FCHSD2: variants seen among roughly 807,000 people sequenced by gnomAD.
FCHSD2 encodes the protein F-BAR and double SH3 domains protein 2.
In FCHSD2, 38 loss-of-function variants were observed where a neutral mutation model predicts 108.1. That is an observed-to-expected ratio of 0.35 (90% CI 0.27 to 0.46). The LOEUF (loss-of-function observed/expected upper bound fraction) is 0.46. Among genes scored for constraint, FCHSD2 ranks in the 20% least tolerant of loss-of-function variants. The pLI is 1.00. For missense variants in FCHSD2, 751 were observed against 897.8 expected (o/e 0.84, Z 2.09); for synonymous variants, 279 against 314.7 (o/e 0.89, Z 1.20).
chr11:73,089,764 G>C (rs1001059215), intron 2 of FCHSD2, among the ~76,000 whole-genome samples: 1 of 152,108 alleles, frequency 6.6e-6, no homozygotes, highest in Admixed American at 6.5e-5. Context: ...TAAATTAGTG[G>C]TTGCCAAGGC....
At chr11:72,844,463 G>A (rs1201065956) in intron 14 of FCHSD2, among the ~76,000 whole-genome samples, 1 of 152,188 alleles carries the variant, frequency 6.6e-6, no homozygotes, top group Non-Finnish European at 1.5e-5. Flanking sequence ...CGTACAAGCT[G>A]CTAACCATAA....
At chr11:72,911,754 T>C (rs1490981418) in intron 9 of FCHSD2, among the ~76,000 whole-genome samples, 1 of 152,152 alleles carries the variant, frequency 6.6e-6, no homozygotes, top group Non-Finnish European at 1.5e-5. Context: ...TTCGCTTTTG[T>C]TGCCTAGGCT....
chr11:73,133,273 T>C (rs761392494), intron 2 of FCHSD2, among the ~76,000 whole-genome samples: 1 of 152,194 alleles, frequency 6.6e-6, no homozygotes, highest in Non-Finnish European at 1.5e-5. Context: ...TTTAGGTATA[T>C]ATCCAAAAGA....
In FCHSD2 at chr11:72,940,702, G is replaced by A. The variant is rs531900607; in HGVS notation, c.706-18752C>T. On this transcript the variant is annotated intron_variant, in intron 8 of 19. Transcript: ENST00000409418. The stretch of plus-strand genomic sequence containing the variant: ...TATATATAGGATTCATGTTCACCGT[G>A]GTGGCAGAAAACGCCCAGTTCCTAA... 20 of 1,065,506 alleles carry A rather than the reference G, an allele frequency of 1.9e-5. No individual in the cohort carries two copies. The South Asian group carries it at 2.5e-4, about 13-fold the overall frequency. The allele number at this position is 1,065,506 out of a possible 1,614,324, so 66.0% of individuals were successfully genotyped here. A position where few individuals can be genotyped will look rare whatever the true frequency, so the allele number is the denominator to read the frequency against.
Position 72,989,080 on chromosome 11 carries a change from T to C in FCHSD2, c.405A>G (p.Thr135=). Residue 135 remains threonine (T), a synonymous_variant, in exon 6 of 20, where the codon ACA becomes ACG. Transcript: ENST00000409418. ...QQLKRCVDQL[T]KIQTELQETV... Reference sequence around the variant, plus strand: ...TCTCTTGTAATTCAGTTTGGATCTTTGTCAACTGGTCCACACACTGTAAAA... The same window carrying C: ...TCTCTTGTAATTCAGTTTGGATCTTCGTCAACTGGTCCACACACTGTAAAA... The C allele has an allele frequency of 6.2e-7, 1 of 1,608,552 alleles. No homozygotes were observed. The highest frequency in any genetic ancestry group is 1.3e-5 in the African/African-American group (1 of 74,928).
At chr11:72,853,008 A>G (rs1038588287) in intron 13 of FCHSD2, among the ~76,000 whole-genome samples, 10 of 152,148 alleles carry the variant, frequency 6.6e-5, no homozygotes, top group Non-Finnish European at 1.2e-4. Flanking sequence ...AGGTGGGAGG[A>G]GGGAGAGGAT....
intron 2 of FCHSD2, 56 bp downstream of exon 2, chr11:73,139,975 A>G (rs1861209546): frequency 2.0e-6 from 2 of 1,001,478 alleles, no homozygotes; most frequent in South Asian, 1.7e-5. Flanking sequence ...TTGGTAACTC[A>G]AAGGTTCTTT....
intron 2 of FCHSD2, among the ~76,000 whole-genome samples, chr11:73,126,339 TAAAA>T (rs61586562): frequency 7.4e-3 from 205 of 27,626 alleles, no homozygotes; most frequent in African/African-American, 0.015. Flanking sequence ...GATTCCATCT[TAAAA>T]AAAAAAAAAA....
intron 18 of FCHSD2, 90 bp downstream of exon 18, chr11:72,841,364 A>T: frequency 6.0e-6 from 6 of 1,000,840 alleles, no homozygotes; most frequent in Non-Finnish European, 8.4e-6. Flanking sequence ...AAAAAAAAAA[A>T]GCAAATGCAG....
At position 73,032,920 on chromosome 11, in the gene FCHSD2, C is replaced by A. The variant is rs183226014; in HGVS notation, c.166-17035G>T. 3.0e-3 allele frequency among the ~76,000 whole-genome samples: 464 copies of A among 152,224 alleles called. 1 individual carries two copies. Among genetic ancestry groups the A allele is most frequent in the African/African-American group, 0.011 (444 of 41,528 alleles). On this transcript the variant is annotated intron_variant, in intron 3 of 19. Coordinates refer to ENST00000409418, the MANE Select transcript of FCHSD2 (RefSeq NM_014824.3). ...GACAACAGGAAATCAAGCTTGCGAG[C>A]AGTGCAGTGCCATTATCAGACTAAA...
chr11:73,030,535 C>T (rs957958755), intron 3 of FCHSD2, among the ~76,000 whole-genome samples: 9 of 152,112 alleles, frequency 5.9e-5, no homozygotes, highest in Middle Eastern at 3.2e-3. Flanking sequence ...AATACTGTTA[C>T]GGCTTCCTGG....
intron 8 of FCHSD2, among the ~76,000 whole-genome samples, chr11:72,970,641 A>G (rs1261765823): frequency 6.6e-6 from 1 of 152,136 alleles, no homozygotes; most frequent in Non-Finnish European, 1.5e-5. Context: ...CCTTTTCATA[A>G]AAGTCCATCC....
chr11:72,878,136 G>C (rs1288488979), intron 12 of FCHSD2, among the ~76,000 whole-genome samples: 1 of 152,076 alleles, frequency 6.6e-6, no homozygotes, highest in Non-Finnish European at 1.5e-5. Flanking sequence ...CCCTCTGGCT[G>C]GGCATAGTGG....
chr11:72,879,890 T>C (rs899019860), intron 12 of FCHSD2, among the ~76,000 whole-genome samples: 15 of 150,618 alleles, frequency 1.0e-4, no homozygotes, highest in African/African-American at 2.7e-4. Flanking sequence ...TCCCAGCTAC[T>C]TGAGAGACTG....
At chr11:72,935,993 A>G (rs189376734) in intron 8 of FCHSD2, among the ~76,000 whole-genome samples, 9 of 152,362 alleles carry the variant, frequency 5.9e-5, no homozygotes, top group Admixed American at 5.2e-4. Flanking sequence ...CTAAAACCAC[A>G]TAATATTTAG....
chr11:72,888,641 C>T (rs1260017172), intron 11 of FCHSD2, among the ~76,000 whole-genome samples: 1 of 149,068 alleles, frequency 6.7e-6, no homozygotes, highest in Non-Finnish European at 1.5e-5. Context: ...TTTTTGGAGA[C>T]AGGGTCTTTC....
At chr11:73,074,854 G>A (rs571539839) in intron 3 of FCHSD2, among the ~76,000 whole-genome samples, 2 of 152,176 alleles carry the variant, frequency 1.3e-5, no homozygotes, top group East Asian at 3.9e-4. Context: ...CGAGGCTGTA[G>A]TGAACTAGGA....
chr11:72,924,483 C>G (rs1361444194), intron 8 of FCHSD2, among the ~76,000 whole-genome samples: 3 of 150,948 alleles, frequency 2.0e-5, no homozygotes, highest in Non-Finnish European at 4.4e-5. Flanking sequence ...GGGGTTTCAC[C>G]GTGTTAGCCA....
At chr11:73,019,056 A>C (rs1369519691) in intron 3 of FCHSD2, among the ~76,000 whole-genome samples, 1 of 152,212 alleles carries the variant, frequency 6.6e-6, no homozygotes, top group East Asian at 1.9e-4. Context: ...ATGTGATATA[A>C]GTACCCAAAT....
Sources: allele counts gnomAD v4.1 joint callset (sites outside exome capture counted in the v4.1 genomes callset), GRCh38; gene constraint gnomAD v4.1.1; transcripts MANE v1.5; gene names NCBI Gene and HGNC (gene_info 2026-07-23, HGNC 2026-07-21).